The following SMOC1 variants were observed in gnomAD, a reference collection of about 807,000 sequenced individuals.
SMOC1 encodes SPARC related modular calcium binding 1.
In SMOC1, 22 loss-of-function variants were observed where a neutral mutation model predicts 56.3. That is an observed-to-expected ratio of 0.39 (90% CI 0.28 to 0.56). The LOEUF (loss-of-function observed/expected upper bound fraction) is 0.56. Ranked by LOEUF, SMOC1 falls within the 20% of genes least tolerant of loss-of-function variation. The probability of loss-of-function intolerance (pLI) is 0.61; values close to 1 mark genes in which losing one functional copy is unlikely to be tolerated. For missense variants in SMOC1, 509 were observed against 565.4 expected, an observed-to-expected ratio of 0.90 and a Z score of 1.01; for synonymous variants, 193 against 215.0, an observed-to-expected ratio of 0.90 and a Z score of 0.89.
chr14:69,885,266 C>CTTT lies in SMOC1; in HGVS notation c.99+5502_99+5504dup, dbSNP rs201984545. 5,450 of 714,542 alleles carry CTTT rather than the reference C, an allele frequency of 7.6e-3. 3 individuals carry two copies. Among genetic ancestry groups the CTTT allele is most frequent in the South Asian group, 0.018 (786 of 43,410 alleles). 44.3% of individuals were successfully genotyped at this position (714,542 alleles called of 1,614,324 possible). ...GATTACTCTCTCCTTCGAACAACTT[C>CTTT]TTTTTTTTTTTTTTTAAGGAAAATT... On this transcript the variant is annotated intron_variant, in intron 1 of 11. Transcript: ENST00000361956.
intron 7 of SMOC1, among the ~76,000 whole-genome samples, chr14:70,005,751 G>C (rs1885129016): frequency 6.6e-6 from 1 of 152,180 alleles, no homozygotes; most frequent in Admixed American, 6.5e-5. Context: ...CTGAGGGACA[G>C]GATTATAGGG....
chr14:69,920,736 A>T (rs1884817789), intron 1 of SMOC1, among the ~76,000 whole-genome samples: 1 of 152,122 alleles, frequency 6.6e-6, no homozygotes, highest in Non-Finnish European at 1.5e-5. Context: ...TACAAAGGAG[A>T]TCTGCTTTGC....
At chr14:69,955,877 G>T (rs1376344371) in intron 3 of SMOC1, among the ~76,000 whole-genome samples, 1 of 152,192 alleles carries the variant, frequency 6.6e-6, no homozygotes, top group Non-Finnish European at 1.5e-5. Flanking sequence ...GATTAGTTTG[G>T]GGCTGAGACA....
At chr14:69,918,236 AT>A (rs199553975) in intron 1 of SMOC1, among the ~76,000 whole-genome samples, 4 of 149,264 alleles carry the variant, frequency 2.7e-5, no homozygotes, top group Non-Finnish European at 4.5e-5. Context: ...ATATATATAT[AT>A]TTTTTTTTTG....
intron 1 of SMOC1, among the ~76,000 whole-genome samples, chr14:69,930,142 C>T (rs1037314825): frequency 9.2e-5 from 12 of 130,878 alleles, no homozygotes; most frequent in African/African-American, 4.0e-5. Flanking sequence ...CCTCTGCCCT[C>T]ACCCCTTTCA....
rs2139634188 is a variant in SMOC1, at chr14:70,030,962, C to T, written c.*704C>T. 1 of 152,292 alleles carries T rather than the reference C, an allele frequency of 6.6e-6. No individual in the cohort carries two copies. Among genetic ancestry groups the T allele is most frequent in the South Asian group, 2.1e-4 (1 of 4,812 alleles). 9.4% of individuals were successfully genotyped at this position (152,292 alleles called of 1,614,324 possible). A position where few individuals can be genotyped will look rare whatever the true frequency, so the allele number is the denominator to read the frequency against. ...TGGGAGAGGAAGGGAGTCCAGATCC[C>T]ATGAATAGCCCACACAGGTACCGGC... On this transcript the variant is annotated 3_prime_UTR_variant, in exon 12 of 12. Transcript: ENST00000361956.
At chr14:69,887,076 A>G (rs903599179) in intron 1 of SMOC1, among the ~76,000 whole-genome samples, 1 of 152,186 alleles carries the variant, frequency 6.6e-6, no homozygotes, top group Non-Finnish European at 1.5e-5. Context: ...AAGAGCCCAG[A>G]TGCTCATCAG....
chr14:69,969,524 G>A (rs1164305745), intron 3 of SMOC1, among the ~76,000 whole-genome samples: 3 of 152,180 alleles, frequency 2.0e-5, no homozygotes, highest in South Asian at 2.1e-4. Context: ...GAACTCACCC[G>A]CTGTCGTGAA....
chr14:69,988,565 A>G (rs528825653), intron 5 of SMOC1, among the ~76,000 whole-genome samples: 23 of 152,332 alleles, frequency 1.5e-4, no homozygotes, highest in East Asian at 1.9e-4. Context: ...TTATTGAAGT[A>G]TAGTTTACAT....
At chr14:69,920,130 A>G (rs1884797764) in intron 1 of SMOC1, among the ~76,000 whole-genome samples, 1 of 152,168 alleles carries the variant, frequency 6.6e-6, no homozygotes, top group Non-Finnish European at 1.5e-5. Context: ...GGATCTTCAG[A>G]CAGAAGGACA....
At position 70,030,335 on chromosome 14, in the gene SMOC1, C is replaced by T. The variant is rs1886098150; in HGVS notation, c.*77C>T. 1.3e-6 allele frequency: 2 copies of T among 1,574,034 alleles called. No individual in the cohort carries two copies. Among genetic ancestry groups the T allele is most frequent in the Non-Finnish European group, 1.7e-6 (2 of 1,150,192 alleles). ...ACCAGACACCTAACCTTCAGCGTTGCCCATGGCCCTGCCACATCCCGTGTA... is the reference window on the plus strand; with the variant it reads ...ACCAGACACCTAACCTTCAGCGTTGTCCATGGCCCTGCCACATCCCGTGTA... On this transcript the variant is annotated 3_prime_UTR_variant, in exon 12 of 12. Coordinates refer to ENST00000361956, the MANE Select transcript of SMOC1 (RefSeq NM_001034852.3).
chr14:69,913,607 T>G (rs1884612482), intron 1 of SMOC1, among the ~76,000 whole-genome samples: 1 of 152,202 alleles, frequency 6.6e-6, no homozygotes, highest in South Asian at 2.1e-4. Context: ...TTGGAATACA[T>G]GAGTGTCAGG....
In SMOC1 at chr14:70,020,494, G is replaced by C. The variant is rs969972426; in HGVS notation, c.1047-2709G>C. ...AGAATATCATGCTAGCTGGGAAGGAGGAAGGAAGGCAACAGGACCCTCGGG... is the reference window on the plus strand; with the variant it reads ...AGAATATCATGCTAGCTGGGAAGGACGAAGGAAGGCAACAGGACCCTCGGG... On this transcript the variant is annotated intron_variant, in intron 10 of 11. Coordinates refer to ENST00000361956, the MANE Select transcript of SMOC1 (RefSeq NM_001034852.3). Among the ~76,000 whole-genome samples the C allele has an allele frequency of 3.3e-5, 5 of 152,166 alleles. No homozygotes were observed. In the East Asian group the frequency reaches 9.6e-4, roughly 29 times the overall value.
intron 1 of SMOC1, among the ~76,000 whole-genome samples, chr14:69,888,557 A>G (rs1883873852): frequency 1.3e-5 from 2 of 152,198 alleles, no homozygotes; most frequent in Admixed American, 1.3e-4. Context: ...GTCAGGCATA[A>G]TGTGTTTTGA....
At chr14:69,981,363 C>T (rs925327529) in intron 5 of SMOC1, among the ~76,000 whole-genome samples, 6 of 152,186 alleles carry the variant, frequency 3.9e-5, no homozygotes, top group African/African-American at 1.4e-4. Flanking sequence ...TTGTGTTTAA[C>T]GAACTCCTTT....
In SMOC1 at chr14:69,879,498, C is replaced by G; in HGVS notation, c.-181C>G. 1 of 439,558 alleles carries G rather than the reference C, an allele frequency of 2.3e-6. No homozygotes were observed. Among genetic ancestry groups the G allele is most frequent in the Non-Finnish European group, 3.9e-6 (1 of 257,224 alleles). 27.2% of individuals were successfully genotyped at this position (439,558 alleles called of 1,614,324 possible). A position where few individuals can be genotyped will look rare whatever the true frequency, so the allele number is the denominator to read the frequency against. On this transcript the variant is annotated 5_prime_UTR_variant, in exon 1 of 12. Coordinates refer to ENST00000361956, the MANE Select transcript of SMOC1 (RefSeq NM_001034852.3). ...AGCACACGCTCGCGCTCCAGCTCCCCTCCTGCGCGGTTCATGACTGTGTCC... is the reference window on the plus strand; with the variant it reads ...AGCACACGCTCGCGCTCCAGCTCCCGTCCTGCGCGGTTCATGACTGTGTCC...
chr14:69,942,143 G>A (rs75079554), intron 1 of SMOC1, among the ~76,000 whole-genome samples: 1 of 152,036 alleles, frequency 6.6e-6, no homozygotes, highest in Non-Finnish European at 1.5e-5. Context: ...TTGTGACTTA[G>A]GCTTTGCTTC....
At chr14:70,025,447 T>C (rs1885888932) in intron 11 of SMOC1, among the ~76,000 whole-genome samples, 1 of 152,194 alleles carries the variant, frequency 6.6e-6, no homozygotes, top group Admixed American at 6.5e-5. Context: ...GGTGTGTGAC[T>C]GACTTCATTA....
At chr14:69,885,257 G>T in intron 1 of SMOC1, 1 of 861,750 alleles carries the variant, frequency 1.2e-6, no homozygotes. Flanking sequence ...TCTCTCCTTC[G>T]AACAACTTCT....
Sources: gnomAD v4.1 joint callset for allele counts (sites outside exome capture counted in the v4.1 genomes callset) on GRCh38, gnomAD v4.1.1 for gene constraint, MANE v1.5 for transcripts, NCBI Gene and HGNC (gene_info 2026-07-23, HGNC 2026-07-21) for gene names.